UPF3B: variants seen among roughly 807,000 people sequenced by gnomAD.
UPF3B encodes regulator of nonsense transcripts 3B.
In UPF3B, 7 loss-of-function variants were observed where a neutral mutation model predicts 40.3. The observed-to-expected ratio is 0.17, with a 90% CI of 0.10 to 0.33. The LOEUF is 0.33. Ranked by LOEUF, UPF3B falls within the 10% of genes least tolerant of loss-of-function variation. UPF3B has a pLI of 1.00. For synonymous variants in UPF3B, 117 were observed against 117.3 expected (o/e 1.00, Z 0.01); for missense variants, 229 against 358.9 (o/e 0.64, Z 2.93).
chrX:119,846,900 A>C (rs1296060951), intron 3 of UPF3B, among the ~76,000 whole-genome samples: 1 of 112,567 alleles, frequency 8.9e-6, no homozygotes, highest in Non-Finnish European at 1.9e-5. Context: ...AATATCGAGA[A>C]TATATAAAGA....
intron 3 of UPF3B, among the ~76,000 whole-genome samples, chrX:119,850,063 G>T (rs751898639): frequency 2.3e-4 from 24 of 102,989 alleles, no homozygotes; most frequent in East Asian, 3.1e-4. Flanking sequence ...GCTGAGGTGG[G>T]GGGGGGGAAA....
rs768521363 is a variant in UPF3B at position 119,842,584 on chromosome X, A to T, written c.580+607T>A. Among the ~76,000 whole-genome samples, 315 of 76,240 alleles carry T rather than the reference A, an allele frequency of 4.1e-3. 2 individuals are homozygous for T. The highest frequency in any genetic ancestry group is 0.019 in the African/African-American group (305 of 15,854). 66.2% of individuals were successfully genotyped at this position (76,240 alleles called of 115,157 possible). A position where few individuals can be genotyped will look rare whatever the true frequency, so the allele number is the denominator to read the frequency against. Reference sequence around the variant, plus strand: ...GACAGAGCAAGACTCCATCTCTCACACACACACACACACACACACATACAC... The same window carrying T: ...GACAGAGCAAGACTCCATCTCTCACTCACACACACACACACACACATACAC... On this transcript the variant is annotated intron_variant, in intron 5 of 10. Transcript: ENST00000276201.
chrX:119,851,362 G>A (rs2056300168), intron 3 of UPF3B, 133 bp downstream of exon 3: 1 of 498,321 alleles, frequency 2.0e-6, no homozygotes, highest in East Asian at 3.8e-5. Context: ...ACTGTGAAAA[G>A]TCACGTCTAT....
At position 119,837,870 on chromosome X, in the gene UPF3B, T is replaced by C. The variant is rs898086981; in HGVS notation, c.1189A>G (p.Lys397Glu). The C allele has an allele frequency of 8.3e-7, 1 of 1,209,235 alleles. No individual in the cohort carries two copies. Among genetic ancestry groups the C allele is most frequent in the Non-Finnish European group, 1.1e-6 (1 of 895,158 alleles). ...TTTCCTTTATCCCGAAGTGTGTCTTTCTCTTTTTTCATTTCTTCTTCTTTT... is the reference window on the plus strand; with the variant it reads ...TTTCCTTTATCCCGAAGTGTGTCTTCCTCTTTTTTCATTTCTTCTTCTTTT... The part of the protein sequence containing the change: ...KRKEEEMKKE[K>E]DTLRDKGKKA... Residue 397 changes from lysine to glutamate, a missense_variant, in exon 10 of 11, where the codon AAA becomes GAA. Physicochemically the swap from Lys to Glu is moderately conservative, Grantham distance 56 (BLOSUM62 1). This residue lies in a region of UPF3B where 119 missense variants were observed against 153.8 expected (regional missense o/e 0.77). Coordinates refer to ENST00000276201, the MANE Select transcript of UPF3B (RefSeq NM_080632.3).
rs749822352 is a variant in UPF3B, at chrX:119,851,886, A to G, written c.157-13T>C. 3.7e-6 allele frequency: 4 copies of G among 1,077,848 alleles called. No homozygotes were observed. The African/African-American group carries it at 5.6e-5, about 15-fold the overall frequency. The allele number at this position is 1,077,848 out of a possible 1,213,427, so 88.8% of individuals were successfully genotyped here. Reference sequence around the variant, plus strand: ...TTCGAATTACCACCTTAAGAAATGCATAAGGAAAATAAAATTAGTACAAAT... The same window carrying G: ...TTCGAATTACCACCTTAAGAAATGCGTAAGGAAAATAAAATTAGTACAAAT... On this transcript the variant is annotated splice_polypyrimidine_tract_variant and intron_variant, in intron 1 of 10. Coordinates refer to ENST00000276201, the MANE Select transcript of UPF3B (RefSeq NM_080632.3).
At chrX:119,829,440 GTTTCCTTCC>G (rs1253112073), downstream of UPF3B, among the ~76,000 whole-genome samples, 13 of 112,065 alleles carry the variant, frequency 1.2e-4, no homozygotes, top group South Asian at 2.2e-3. Context: ...TGTATATATT[GTTTCCTTCC>G]TCAACCCAAT....
At chrX:119,806,598 C>T (rs997326537) in intron 6 of UPF3B, among the ~76,000 whole-genome samples, 1 of 111,638 alleles carries the variant, frequency 9.0e-6, no homozygotes, top group African/African-American at 3.3e-5. Flanking sequence ...ACATTAGATG[C>T]AGAAGTAACA....
intron 3 of UPF3B, among the ~76,000 whole-genome samples, chrX:119,823,544 TTTC>T (rs2055944258): frequency 1.1e-5 from 1 of 94,071 alleles, no homozygotes; most frequent in Non-Finnish European, 2.0e-5. Flanking sequence ...GCCCATTTCT[TTTC>T]TTTTTTTCCT....
At chrX:119,823,267 C>T (rs1175105940) in intron 3 of UPF3B, among the ~76,000 whole-genome samples, 1 of 111,599 alleles carries the variant, frequency 9.0e-6, no homozygotes, top group Non-Finnish European at 1.9e-5. Context: ...AATTTATTTT[C>T]TTTGGAGACA....
At chrX:119,836,651 G>A (rs754182761) in intron 10 of UPF3B, among the ~76,000 whole-genome samples, 8 of 105,499 alleles carry the variant, frequency 7.6e-5, no homozygotes, top group African/African-American at 2.5e-4. Context: ...CATACTATTC[G>A]ATTTTTTTTT....
chrX:119,838,609 A>C (rs2056128697), intron 8 of UPF3B, 82 bp from the exon 9 acceptor site: 2 of 1,002,802 alleles, frequency 2.0e-6, no homozygotes, highest in African/African-American at 3.8e-5. Context: ...AAATATTTAA[A>C]ATTTAGACTA....
At chrX:119,814,988 C>T (rs1373007991) in intron 5 of UPF3B, among the ~76,000 whole-genome samples, 5 of 107,886 alleles carry the variant, frequency 4.6e-5, no homozygotes, top group African/African-American at 1.7e-4. Context: ...GCCTCAGCCT[C>T]CCGAGTACCT....
intron 5 of UPF3B, 79 bp downstream of exon 5, chrX:119,843,112 C>T: frequency 4.4e-6 from 3 of 682,176 alleles, no homozygotes; most frequent in East Asian, 6.5e-5. Context: ...TGAAGTCACA[C>T]AGCTAGCAAC....
chrX:119,831,170 C>T (rs111275237), downstream of UPF3B, among the ~76,000 whole-genome samples: 400 of 111,766 alleles, frequency 3.6e-3, 2 homozygotes, highest in Admixed American at 4.8e-3. Context: ...AAAACTTACT[C>T]CTCTGCCGTG....
chrX:119,845,990 TATGTATACATTTCATA>T lies in UPF3B; in HGVS notation c.371-710_371-695del, dbSNP rs1250948820. On this transcript the variant is annotated intron_variant, in intron 3 of 10. Coordinates refer to ENST00000276201, the MANE Select transcript of UPF3B (RefSeq NM_080632.3). ...TTTCATAATGTATATATGTATACAATATGTATACATTTCATAATGTATACATTTCATAATGTATACA... is the reference window on the plus strand; with the variant it reads ...TTTCATAATGTATATATGTATACAATATGTATACATTTCATAATGTATACA... Among the ~76,000 whole-genome samples the T allele has an allele frequency of 9.7e-4, 108 of 110,857 alleles. 1 individual carries two copies. The highest frequency in any genetic ancestry group is 4.7e-3 in the Middle Eastern group (1 of 213).
intron 3 of UPF3B, among the ~76,000 whole-genome samples, chrX:119,825,911 C>T (rs1414351781): frequency 8.9e-6 from 1 of 112,016 alleles, no homozygotes; most frequent in Admixed American, 9.5e-5. Flanking sequence ...GTAATACCAG[C>T]ACTCTGGGAG....
chrX:119,823,245 T>A (rs1057316411), intron 3 of UPF3B, among the ~76,000 whole-genome samples: 22 of 111,567 alleles, frequency 2.0e-4, no homozygotes, highest in African/African-American at 5.9e-4. Flanking sequence ...TATTATTTTT[T>A]ATGTCTGGTT....
intron 1 of UPF3B, among the ~76,000 whole-genome samples, 154 bp downstream of exon 1, chrX:119,852,619 G>C (rs1042787277): frequency 8.9e-6 from 1 of 112,478 alleles, no homozygotes; most frequent in African/African-American, 3.2e-5. Flanking sequence ...TCCCCATTTC[G>C]GGTGAATGGA....
chrX:119,840,304 A>G (rs994010256), intron 8 of UPF3B, among the ~76,000 whole-genome samples: 4 of 111,188 alleles, frequency 3.6e-5, no homozygotes, highest in Non-Finnish European at 7.5e-5. Context: ...TGTGAGAGGG[A>G]AAGGCACATA....
Sources: allele counts gnomAD v4.1 joint callset (sites outside exome capture counted in the v4.1 genomes callset), GRCh38; gene constraint gnomAD v4.1.1; regional missense constraint gnomAD v4.1.1; transcripts MANE v1.5; gene names NCBI Gene and HGNC (gene_info 2026-07-23, HGNC 2026-07-21).